Variants in CSMD1 observed in about 807,000 individuals in gnomAD.
CSMD1 encodes CUB and Sushi multiple domains 1.
CSMD1 carries 213 observed loss-of-function variants against 417.5 expected under a neutral mutation model. The ratio of observed to expected loss-of-function variants is 0.51; its 90% CI spans 0.46 to 0.57. The LOEUF is 0.57. CSMD1 is among the 20% of genes least tolerant of loss of function. The pLI is 0.00. For missense variants in CSMD1, 6,923 were observed against 4,529.7 expected, an observed-to-expected ratio of 1.53 and a Z score of -15.17; for synonymous variants, 2,862 against 1,736.8, an observed-to-expected ratio of 1.65 and a Z score of -16.11.
At chr8:3,338,170 C>G (rs1001042004) in intron 23 of CSMD1, among the ~76,000 whole-genome samples, 1 of 152,178 alleles carries the variant, frequency 6.6e-6, no homozygotes, top group Non-Finnish European at 1.5e-5. Flanking sequence ...CAAGACACAA[C>G]GTATTTGATA....
chr8:4,530,202 C>T (rs779761383), intron 2 of CSMD1, among the ~76,000 whole-genome samples: 8 of 151,950 alleles, frequency 5.3e-5, no homozygotes, highest in Non-Finnish European at 1.2e-4. Flanking sequence ...CACGAGCCAC[C>T]GCGCCAGGCC....
intron 1 of CSMD1, among the ~76,000 whole-genome samples, chr8:4,737,872 A>T (rs1304172437): frequency 1.3e-5 from 2 of 152,204 alleles, no homozygotes; most frequent in Non-Finnish European, 2.9e-5. Context: ...CCACAACAAC[A>T]AAGTTAATCC....
At chr8:4,839,343 T>G (rs1193283805) in intron 1 of CSMD1, among the ~76,000 whole-genome samples, 1 of 152,206 alleles carries the variant, frequency 6.6e-6, no homozygotes, top group Non-Finnish European at 1.5e-5. Context: ...AATGAATGCA[T>G]ACAACCAAGC....
intron 3 of CSMD1, among the ~76,000 whole-genome samples, chr8:4,343,071 A>T (rs80186937): frequency 1.5e-4 from 23 of 152,250 alleles, no homozygotes; most frequent in African/African-American, 5.5e-4. Context: ...TGCCTTCAAC[A>T]TCACATGGTA....
At chr8:4,220,083 G>C (rs1327613200) in intron 3 of CSMD1, among the ~76,000 whole-genome samples, 1 of 152,144 alleles carries the variant, frequency 6.6e-6, no homozygotes, top group East Asian at 1.9e-4. Context: ...CCGAGTACCT[G>C]TGATTACAGG....
intron 20 of CSMD1, among the ~76,000 whole-genome samples, chr8:3,364,774 G>C (rs1290285403): frequency 7.2e-5 from 11 of 152,122 alleles, no homozygotes; most frequent in African/African-American, 2.7e-4. Context: ...CCTTGATCTT[G>C]GACTTCCCAG....
At chr8:3,129,417 T>G (rs1317901679) in intron 41 of CSMD1, among the ~76,000 whole-genome samples, 1 of 152,212 alleles carries the variant, frequency 6.6e-6, no homozygotes, top group East Asian at 1.9e-4. Flanking sequence ...TGGTAGCTTT[T>G]GGAACTACAT....
intron 3 of CSMD1, among the ~76,000 whole-genome samples, chr8:4,078,585 A>G: frequency 6.6e-6 from 1 of 151,420 alleles, no homozygotes. Flanking sequence ...TTTTAAACAT[A>G]AAATCTTCGT....
At chr8:4,678,553 T>C (rs966407066) in intron 1 of CSMD1, among the ~76,000 whole-genome samples, 4 of 152,228 alleles carry the variant, frequency 2.6e-5, no homozygotes, top group African/African-American at 4.8e-5. Context: ...AATTCTGCTT[T>C]TTGATGGAAT....
intron 23 of CSMD1, among the ~76,000 whole-genome samples, chr8:3,327,406 T>G (rs1806603064): frequency 6.6e-6 from 1 of 152,296 alleles, no homozygotes; most frequent in Middle Eastern, 3.4e-3. Context: ...GTGCTGGGAT[T>G]ACAGGCATGA....
chr8:4,817,004 G>C (rs1585149370), intron 1 of CSMD1, among the ~76,000 whole-genome samples: 1 of 152,314 alleles, frequency 6.6e-6, no homozygotes, highest in East Asian at 1.9e-4. Context: ...GATAAGAGCA[G>C]AGGGCTCAGA....
At chr8:3,511,451 G>A (rs146731953) in intron 10 of CSMD1, among the ~76,000 whole-genome samples, 10 of 151,766 alleles carry the variant, frequency 6.6e-5, no homozygotes, top group African/African-American at 2.2e-4. Flanking sequence ...AAGAAGAGAA[G>A]GTTTACTCAA....
intron 1 of CSMD1, among the ~76,000 whole-genome samples, chr8:4,832,821 T>C (rs548834516): frequency 4.3e-4 from 65 of 152,170 alleles, no homozygotes; most frequent in African/African-American, 1.5e-3. Context: ...GGGTCAGTCA[T>C]CTCATACCCT....
chr8:4,993,836 C>A (rs1811609142), intron 1 of CSMD1, among the ~76,000 whole-genome samples: 1 of 152,090 alleles, frequency 6.6e-6, no homozygotes, highest in South Asian at 2.1e-4. Context: ...GAGGCCGGGC[C>A]GGCGGAGACC....
intron 7 of CSMD1, among the ~76,000 whole-genome samples, chr8:3,664,741 G>A (rs1289597794): frequency 2.0e-5 from 3 of 152,186 alleles, no homozygotes; most frequent in Non-Finnish European, 4.4e-5. Context: ...TAATGAAGAT[G>A]TCCAGGTTAA....
chr8:4,206,230 A>G (rs905579625), intron 3 of CSMD1, among the ~76,000 whole-genome samples: 15 of 152,212 alleles, frequency 9.9e-5, no homozygotes, highest in African/African-American at 3.4e-4. Flanking sequence ...GTTCTAGAGT[A>G]CATGTGCACA....
At chr8:3,955,621 TC>T (rs1811888915) in intron 5 of CSMD1, among the ~76,000 whole-genome samples, 1 of 152,060 alleles carries the variant, frequency 6.6e-6, no homozygotes, top group Admixed American at 6.6e-5. Flanking sequence ...ATTGAATATC[TC>T]ATCAATAAAT....
intron 1 of CSMD1, among the ~76,000 whole-genome samples, chr8:4,893,980 A>G (rs1386665115): frequency 6.6e-6 from 1 of 152,126 alleles, no homozygotes; most frequent in East Asian, 1.9e-4. Flanking sequence ...ACAGATTTTC[A>G]AGAAGGATTT....
intron 1 of CSMD1, among the ~76,000 whole-genome samples, chr8:4,839,087 C>T (rs1015512088): frequency 6.6e-6 from 1 of 152,072 alleles, no homozygotes; most frequent in African/African-American, 2.4e-5. Context: ...TGGTATTTTA[C>T]TCCTCTGAGT....
Sources: allele counts gnomAD v4.1 joint callset (sites outside exome capture counted in the v4.1 genomes callset), GRCh38; gene constraint gnomAD v4.1.1; transcripts MANE v1.5; gene names NCBI Gene and HGNC (gene_info 2026-07-23, HGNC 2026-07-21).